Variants in EGLN1 observed in about 807,000 individuals in gnomAD.
EGLN1 encodes egl-9 family hypoxia inducible factor 1.
EGLN1 carries 17 observed loss-of-function variants against 38.3 expected under a neutral mutation model. That is an observed-to-expected ratio of 0.44 (90% confidence interval 0.30 to 0.67). The LOEUF (loss-of-function observed/expected upper bound fraction) is 0.67. Ranked by LOEUF, EGLN1 falls within the 30% of genes least tolerant of loss-of-function variation. The probability of loss-of-function intolerance (pLI) is 0.08; values close to 1 mark genes in which losing one functional copy is unlikely to be tolerated. For missense variants in EGLN1, 477 were observed against 603.3 expected, an observed-to-expected ratio of 0.79 and a Z score of 2.19; for synonymous variants, 283 against 257.5, an observed-to-expected ratio of 1.10 and a Z score of -0.95.
intron 1 of EGLN1, among the ~76,000 whole-genome samples, chr1:231,376,118 T>G (rs550165080): frequency 7.9e-5 from 12 of 152,208 alleles, no homozygotes; most frequent in African/African-American, 1.4e-4. Context: ...TCCCTTGCAC[T>G]CATTTACATA....
intron 1 of EGLN1, 81 bp from the exon 2 acceptor site, chr1:231,374,180 T>TA: frequency 7.5e-7 from 1 of 1,333,048 alleles, no homozygotes; most frequent in Non-Finnish European, 1.1e-6. Context: ...ATCTCTGATT[T>TA]TTGGCTACTG....
rs192598898 is a variant in EGLN1, at chr1:231,419,409, T to A, written c.891+1589A>T. Among the ~76,000 whole-genome samples the A allele has an allele frequency of 1.9e-3, 293 of 152,306 alleles. 3 individuals are homozygous for A. The highest frequency in any genetic ancestry group is 6.8e-3 in the African/African-American group (283 of 41,570). On this transcript the variant is annotated intron_variant, in intron 1 of 4. Coordinates refer to ENST00000366641, the MANE Select transcript of EGLN1 (RefSeq NM_022051.3). The stretch of plus-strand genomic sequence containing the variant: ...ACTAAGGAAAGCAGATCAAGAAAGA[T>A]TTGGGACATCATCTTCTTCAAGAAT...
intron 1 of EGLN1, among the ~76,000 whole-genome samples, chr1:231,409,483 T>C (rs1219515621): frequency 6.6e-6 from 1 of 152,126 alleles, no homozygotes; most frequent in Non-Finnish European, 1.5e-5. Context: ...TAAATAGCTG[T>C]TGAATAACTA....
At chr1:231,406,007 C>T (rs1198423364) in intron 1 of EGLN1, among the ~76,000 whole-genome samples, 3 of 100,770 alleles carry the variant, frequency 3.0e-5, no homozygotes, top group Non-Finnish European at 5.6e-5. Context: ...TCCCCAGCCG[C>T]GGAGCACTAC....
chr1:231,387,612 G>A (rs547846307), intron 1 of EGLN1, among the ~76,000 whole-genome samples: 11 of 152,166 alleles, frequency 7.2e-5, no homozygotes, highest in Non-Finnish European at 1.5e-4. Context: ...GCCCGCCTCG[G>A]CCTCCCAAAG....
rs1348057473 is a variant in EGLN1, at chr1:231,366,435, A to G, written c.1257T>C (p.Asp419=). 1.2e-6 allele frequency: 2 copies of G among 1,614,068 alleles called. No individual in the cohort carries two copies. Among genetic ancestry groups the G allele is most frequent in the East Asian group, 2.2e-5 (1 of 44,866 alleles). Residue 419 remains aspartate, a synonymous_variant, in exon 5 of 5, where the codon GAT becomes GAC. Transcript: ENST00000366641. ...TCTAGAAGACGTCTTTACCGACCGAATCTGAAGGTTTATTGAGTTCAACCC... is the reference window on the plus strand; with the variant it reads ...TCTAGAAGACGTCTTTACCGACCGAGTCTGAAGGTTTATTGAGTTCAACCC... ...GVRVELNKPS[D]SVGKDVF
At chr1:231,373,600 G>A (rs1440449295) in intron 2 of EGLN1, among the ~76,000 whole-genome samples, 1 of 151,914 alleles carries the variant, frequency 6.6e-6, no homozygotes, top group Non-Finnish European at 1.5e-5. Context: ...ACACCCTCAT[G>A]ACACACCACA....
intron 1 of EGLN1, among the ~76,000 whole-genome samples, chr1:231,392,065 A>G (rs1227730523): frequency 6.6e-5 from 10 of 152,164 alleles, no homozygotes; most frequent in African/African-American, 2.4e-4. Context: ...AGGCGGGCGG[A>G]TCACGAGGTC....
At chr1:231,376,474 C>T (rs755481909) in intron 1 of EGLN1, among the ~76,000 whole-genome samples, 3 of 152,086 alleles carry the variant, frequency 2.0e-5, no homozygotes, top group Non-Finnish European at 4.4e-5. Context: ...TATAATTGTC[C>T]TATTTTACTG....
intron 1 of EGLN1, among the ~76,000 whole-genome samples, chr1:231,404,594 A>G (rs1688741308): frequency 6.6e-6 from 1 of 152,052 alleles, no homozygotes; most frequent in African/African-American, 2.4e-5. Flanking sequence ...CCTGGGCAAC[A>G]TAGCAAGACC....
intron 1 of EGLN1, among the ~76,000 whole-genome samples, chr1:231,376,088 G>A (rs1350113414): frequency 1.3e-5 from 2 of 152,108 alleles, no homozygotes; most frequent in African/African-American, 2.4e-5. Flanking sequence ...GGGCTAAAAC[G>A]ATGAACCAAA....
chr1:231,385,377 C>T (rs1015209691), intron 1 of EGLN1, among the ~76,000 whole-genome samples: 13 of 152,140 alleles, frequency 8.5e-5, no homozygotes, highest in East Asian at 3.8e-4. Context: ...CCAGTCCATG[C>T]GCTGACTACT....
intron 2 of EGLN1, among the ~76,000 whole-genome samples, chr1:231,371,370 GAAAT>G (rs1297387059): frequency 3.3e-5 from 5 of 152,130 alleles, no homozygotes; most frequent in African/African-American, 1.2e-4. Flanking sequence ...ATTATTATTA[GAAAT>G]AAATTATGTC....
chr1:231,420,151 T>C (rs954296052), intron 1 of EGLN1: 1 of 152,086 alleles, frequency 6.6e-6, no homozygotes, highest in Non-Finnish European at 1.5e-5. Flanking sequence ...ACCGCAATAG[T>C]AAAGAGAAAA....
intron 1 of EGLN1, among the ~76,000 whole-genome samples, chr1:231,401,600 C>T (rs1239626256): frequency 2.0e-5 from 3 of 152,078 alleles, no homozygotes; most frequent in Non-Finnish European, 2.9e-5. Context: ...ATTTATGTTA[C>T]AATTTTTAAC....
chr1:231,387,158 CAA>C (rs560748747), intron 1 of EGLN1, among the ~76,000 whole-genome samples: 2 of 127,326 alleles, frequency 1.6e-5, no homozygotes. Flanking sequence ...TGTGGCTAGT[CAA>C]AAAAAAAAAA....
At chr1:231,419,572 A>G (rs1445491838) in intron 1 of EGLN1, among the ~76,000 whole-genome samples, 2 of 148,040 alleles carry the variant, frequency 1.4e-5, no homozygotes, top group Non-Finnish European at 3.0e-5. Context: ...TGCCCTGACA[A>G]CTTTCTTAAA....
intron 1 of EGLN1, among the ~76,000 whole-genome samples, chr1:231,405,276 C>A (rs1352753601): frequency 6.6e-6 from 1 of 152,062 alleles, no homozygotes; most frequent in Non-Finnish European, 1.5e-5. Context: ...GGGTTCACGC[C>A]ATTCTCCTGC....
intron 1 of EGLN1, among the ~76,000 whole-genome samples, chr1:231,389,201 C>T (rs1361015017): frequency 7.2e-5 from 11 of 152,096 alleles, no homozygotes; most frequent in Admixed American, 6.6e-4. Flanking sequence ...AAGTAATAAC[C>T]AGCAGCATTT....
Sources: allele counts gnomAD v4.1 joint callset (sites outside exome capture counted in the v4.1 genomes callset), GRCh38; gene constraint gnomAD v4.1.1; transcripts MANE v1.5; gene names NCBI Gene and HGNC (gene_info 2026-07-23, HGNC 2026-07-21).